The following ACACA variants were observed in gnomAD, a reference collection of about 807,000 sequenced individuals.
ACACA encodes acetyl-CoA carboxylase 1.
Under a neutral mutation model 296.1 loss-of-function variants are expected in ACACA, and 103 were observed. The ratio of observed to expected loss-of-function variants is 0.35; its 90% CI spans 0.30 to 0.41. The LOEUF (loss-of-function observed/expected upper bound fraction) is 0.41, where lower values mean the gene tolerates loss of function less well. ACACA is among the 10% of genes least tolerant of loss of function. The pLI, the probability that ACACA is intolerant of heterozygous loss-of-function variation, is 1.00. For synonymous variants in ACACA, 953 were observed against 1,038.6 expected, an observed-to-expected ratio of 0.92 and a Z score of 1.58; for missense variants, 1,554 against 2,989.7, an observed-to-expected ratio of 0.52 and a Z score of 11.20.
At chr17:37,141,131 G>A (rs567907685) in intron 45 of ACACA, 35 of 478,786 alleles carry the variant, frequency 7.3e-5, no homozygotes, top group Admixed American at 5.3e-4. Context: ...TGGCAAGCAC[G>A]CGTCTGCTTC....
chr17:37,233,005 G>T (rs1248411277), intron 25 of ACACA, among the ~76,000 whole-genome samples: 3 of 152,106 alleles, frequency 2.0e-5, no homozygotes, highest in Non-Finnish European at 2.9e-5. Flanking sequence ...TACTATCCAT[G>T]CAGGTAAGAA....
chr17:37,309,189 TA>T (rs921557761), intron 3 of ACACA, among the ~76,000 whole-genome samples: 1 of 151,980 alleles, frequency 6.6e-6, no homozygotes, highest in African/African-American at 2.4e-5. Context: ...GCCCAGCTAT[TA>T]AAAAAAATTT....
chr17:37,400,505 C>A (rs979103860), intron 1 of ACACA, among the ~76,000 whole-genome samples: 5 of 152,098 alleles, frequency 3.3e-5, no homozygotes, highest in African/African-American at 9.7e-5. Context: ...AATTTTGTAT[C>A]CTTTGGCCAA....
At chr17:37,211,720 T>C (rs2078757491) in intron 29 of ACACA, among the ~76,000 whole-genome samples, 1 of 152,172 alleles carries the variant, frequency 6.6e-6, no homozygotes, top group African/African-American at 2.4e-5. Flanking sequence ...GCAGGCCATA[T>C]AAATAAAAAG....
At position 37,243,364 on chromosome 17, in the gene ACACA, T is replaced by A. The variant is rs755733882; in HGVS notation, c.2931+7A>T. On this transcript the variant is annotated splice_region_variant and intron_variant, in intron 22 of 55. Coordinates refer to ENST00000616317, the MANE Select transcript of ACACA (RefSeq NM_198834.3). ...CAGAAAAAAATATAGTGTTATCCTA[T>A]AAATACCTGCTGGCTGGGAAACTGA... is the stretch of plus-strand genomic sequence containing the variant. 7 of 1,613,478 alleles carry A rather than the reference T, an allele frequency of 4.3e-6. No individual in the cohort carries two copies. In the South Asian group the frequency reaches 7.7e-5, roughly 18 times the overall value.
At chr17:37,131,471 G>A (rs2075094238) in intron 45 of ACACA, among the ~76,000 whole-genome samples, 1 of 151,962 alleles carries the variant, frequency 6.6e-6, no homozygotes, top group African/African-American at 2.4e-5. Context: ...AGCGCTTACT[G>A]TATTTTACCT....
chr17:37,171,466 C>T (rs1420692271), intron 41 of ACACA, among the ~76,000 whole-genome samples: 1 of 152,106 alleles, frequency 6.6e-6, no homozygotes, highest in African/African-American at 2.4e-5. Context: ...TTATTTTGAG[C>T]TCCTTCACAT....
rs140970963 is a variant in ACACA at position 37,102,453 on chromosome 17, C to T, written c.6566-4469G>A. ...CTGACCTCAGGTGATCTGCCTGCCTCGGCCTCCAAAAGTGCTGGGATTACA... is the reference window on the plus strand; with the variant it reads ...CTGACCTCAGGTGATCTGCCTGCCTTGGCCTCCAAAAGTGCTGGGATTACA... On this transcript the variant is annotated intron_variant, in intron 52 of 55. Coordinates refer to ENST00000616317, the MANE Select transcript of ACACA (RefSeq NM_198834.3). 7.1e-3 allele frequency among the ~76,000 whole-genome samples: 1,083 copies of T among 152,222 alleles called. 5 individuals carry two copies. Among genetic ancestry groups the T allele is most frequent in the African/African-American group, 0.023 (946 of 41,528 alleles).
intron 22 of ACACA, among the ~76,000 whole-genome samples, chr17:37,242,967 A>G (rs890534102): frequency 1.3e-5 from 2 of 152,102 alleles, no homozygotes; most frequent in Non-Finnish European, 2.9e-5. Context: ...CTCGGGAGGC[A>G]GGGGTTGCAG....
At chr17:37,251,919 C>T in intron 16 of ACACA, 86 bp downstream of exon 16, 1 of 1,256,900 alleles carries the variant, frequency 8.0e-7, no homozygotes, top group South Asian at 1.2e-5. Context: ...CAGGAATGGA[C>T]AGAAGAATAA....
At chr17:37,093,929 C>T (rs1212161221) in intron 54 of ACACA, among the ~76,000 whole-genome samples, 2 of 152,190 alleles carry the variant, frequency 1.3e-5, no homozygotes, top group Non-Finnish European at 2.9e-5. Context: ...AAGCTGGGAT[C>T]CCGAAGTTTA....
intron 12 of ACACA, among the ~76,000 whole-genome samples, chr17:37,258,983 C>T (rs897275812): frequency 1.3e-5 from 2 of 152,176 alleles, no homozygotes; most frequent in Admixed American, 6.5e-5. Context: ...AAACTTCAAC[C>T]ACTAATCTCT....
chr17:37,211,068 T>C (rs895976578), intron 29 of ACACA, among the ~76,000 whole-genome samples: 2 of 152,126 alleles, frequency 1.3e-5, no homozygotes, highest in Non-Finnish European at 2.9e-5. Context: ...TTTTTAACCA[T>C]ACTCTTCCTC....
At chr17:37,305,450 C>G (rs1465216268) in intron 3 of ACACA, among the ~76,000 whole-genome samples, 1 of 152,142 alleles carries the variant, frequency 6.6e-6, no homozygotes, top group Non-Finnish European at 1.5e-5. Context: ...AGAGTTTATG[C>G]TCATATACTT....
intron 1 of ACACA, among the ~76,000 whole-genome samples, chr17:37,348,702 C>A (rs9893734): frequency 4.0e-5 from 6 of 151,850 alleles, no homozygotes; most frequent in African/African-American, 1.4e-4. Flanking sequence ...TATACGGGCG[C>A]GGTAATTCCA....
Position 37,172,305 on chromosome 17 carries a change from C to G in ACACA, c.5079+6955G>C, listed in dbSNP as rs563132291. Among the ~76,000 whole-genome samples the G allele has an allele frequency of 4.8e-3, 725 of 152,152 alleles. 5 individuals are homozygous for G. Among genetic ancestry groups the G allele is most frequent in the African/African-American group, 0.017 (690 of 41,502 alleles). The stretch of plus-strand genomic sequence containing the variant: ...ATCAAGGTTACTGAGCCTCATTTTG[C>G]TATCAAAAAAATGAGTAAAAACTAC... On this transcript the variant is annotated intron_variant, in intron 41 of 55. Transcript: ENST00000616317.
chr17:37,399,873 ATT>A (rs2051221577), intron 1 of ACACA, among the ~76,000 whole-genome samples: 163 of 152,202 alleles, frequency 1.1e-3, no homozygotes, highest in African/African-American at 3.5e-3. Flanking sequence ...GTTCTAAGAA[ATT>A]TATTTTATTT....
At chr17:37,351,790 C>T (rs1283866799) in intron 1 of ACACA, among the ~76,000 whole-genome samples, 1 of 152,112 alleles carries the variant, frequency 6.6e-6, no homozygotes, top group Non-Finnish European at 1.5e-5. Flanking sequence ...TGGCCTCAAG[C>T]AATCCTCCCA....
intron 3 of ACACA, chr17:37,299,503 T>C (rs1244854491): frequency 1.4e-6 from 2 of 1,462,156 alleles, no homozygotes; most frequent in East Asian, 2.5e-5. Context: ...CAAACTATAG[T>C]CTTTTTGTCT....
Sources: gnomAD v4.1 joint callset for allele counts (sites outside exome capture counted in the v4.1 genomes callset) on GRCh38, gnomAD v4.1.1 for gene constraint, MANE v1.5 for transcripts, NCBI Gene and HGNC (gene_info 2026-07-23, HGNC 2026-07-21) for gene names.